RP1: variants seen among roughly 807,000 people sequenced by gnomAD.
RP1 encodes oxygen-regulated protein 1.
Under a neutral mutation model 14.8 loss-of-function variants are expected in RP1, and 16 were observed. The observed-to-expected ratio is 1.08, with a 90% CI of 0.73 to 1.65. The LOEUF (loss-of-function observed/expected upper bound fraction) is 1.65. RP1 is among the 40% of genes most tolerant of loss of function. RP1 has a pLI of 0.00. For missense variants in RP1, 2,631 were observed against 2,535.0 expected, an observed-to-expected ratio of 1.04 and a Z score of -0.81; for synonymous variants, 876 against 883.6, an observed-to-expected ratio of 0.99 and a Z score of 0.15.
At chr8:54,670,444 T>C (rs1349351159) in intron 7 of RP1, among the ~76,000 whole-genome samples, 1 of 148,792 alleles carries the variant, frequency 6.7e-6, no homozygotes, top group Non-Finnish European at 1.5e-5. Flanking sequence ...TATATATGGA[T>C]ACATACATAT....
At chr8:54,709,135 A>G (rs1173740413) in intron 15 of RP1, among the ~76,000 whole-genome samples, 1 of 152,166 alleles carries the variant, frequency 6.6e-6, no homozygotes, top group Non-Finnish European at 1.5e-5. Flanking sequence ...GAATAACAGG[A>G]TGGAGAAACT....
intron 19 of RP1, among the ~76,000 whole-genome samples, chr8:54,745,997 T>C (rs1251007272): frequency 6.6e-6 from 1 of 152,348 alleles, no homozygotes; most frequent in African/African-American, 2.4e-5. Flanking sequence ...AAGAAAATGA[T>C]TGTTTTCACA....
At chr8:54,772,595 A>G (rs1809935205), downstream of RP1, among the ~76,000 whole-genome samples, 1 of 152,206 alleles carries the variant, frequency 6.6e-6, no homozygotes, top group African/African-American at 2.4e-5. Context: ...TTCATCCTCC[A>G]GTAACCCTAT....
chr8:54,857,727 T>A (rs1227096684), intron 27 of RP1, among the ~76,000 whole-genome samples: 1 of 152,094 alleles, frequency 6.6e-6, no homozygotes, highest in East Asian at 1.9e-4. Context: ...TCCCTGTGTT[T>A]CCCTGGGTCC....
Position 54,711,065 on chromosome 8 carries a change from A to C in RP1, c.2211+4410A>C, listed in dbSNP as rs142504950. Among the ~76,000 whole-genome samples the C allele has an allele frequency of 3.0e-3, 455 of 152,328 alleles. 3 individuals carry two copies. The highest frequency in any genetic ancestry group is 9.8e-3 in the African/African-American group (407 of 41,576). ...CAATATTACAGTATTTAAAAAATGT[A>C]TCTGGCTCTACCAATGTGTATCAGT... is the stretch of plus-strand genomic sequence containing the variant. On this transcript the variant is annotated intron_variant, in intron 15 of 22. Transcript: ENST00000636932.
intron 17 of RP1, among the ~76,000 whole-genome samples, chr8:54,732,861 G>A (rs981931826): frequency 5.9e-5 from 9 of 152,132 alleles, no homozygotes; most frequent in African/African-American, 2.2e-4. Flanking sequence ...GATGTAAATG[G>A]CATGGGATTC....
rs188807581 is a variant in RP1, at chr8:54,691,905, T to C, written c.1718-7562T>C. The stretch of plus-strand genomic sequence containing the variant: ...TATGTATACATGTGCCATGTTCGTG[T>C]ACAGCACCCATTAACTCGTCATTTA... On this transcript the variant is annotated intron_variant, in intron 12 of 22. Coordinates refer to the RP1 transcript ENST00000636932. 4.5e-4 allele frequency among the ~76,000 whole-genome samples: 68 copies of C among 152,204 alleles called. No individual in the cohort carries two copies. In the East Asian group the frequency reaches 0.01, roughly 22 times the overall value.
intron 1 of RP1, among the ~76,000 whole-genome samples, chr8:54,607,548 A>T (rs1805482738): frequency 6.6e-6 from 1 of 152,176 alleles, no homozygotes; most frequent in Non-Finnish European, 1.5e-5. Flanking sequence ...GCATGCTGGG[A>T]GAACCACTAC....
chr8:54,639,245 C>T lies in RP1; in HGVS notation c.788-9740C>T, dbSNP rs1239647179. 2.6e-5 allele frequency among the ~76,000 whole-genome samples: 4 copies of T among 152,186 alleles called. No homozygotes were observed. In the East Asian group the frequency reaches 7.7e-4, roughly 29 times the overall value. Reference sequence around the variant, plus strand: ...ATGATTTTGAGATTCATTATTGTTGCCTGAATCAGTAGTTGTTTTTCATTG... The same window carrying T: ...ATGATTTTGAGATTCATTATTGTTGTCTGAATCAGTAGTTGTTTTTCATTG... On this transcript the variant is annotated intron_variant, in intron 3 of 22. Coordinates refer to the RP1 transcript ENST00000636932.
At chr8:54,812,361 G>A (rs1011476499) in intron 24 of RP1, among the ~76,000 whole-genome samples, 1 of 152,136 alleles carries the variant, frequency 6.6e-6, no homozygotes, top group African/African-American at 2.4e-5. Flanking sequence ...GGCTGGTCTC[G>A]AACTCCTGGC....
chr8:54,676,193 G>C (rs1807291854), intron 8 of RP1, among the ~76,000 whole-genome samples: 1 of 152,108 alleles, frequency 6.6e-6, no homozygotes, highest in Admixed American at 6.6e-5. Context: ...CCTAAATGTA[G>C]GCACAAAGCT....
At chr8:54,579,052 A>G (rs547315723) in intron 1 of RP1, among the ~76,000 whole-genome samples, 2 of 152,200 alleles carry the variant, frequency 1.3e-5, no homozygotes, top group Non-Finnish European at 2.9e-5. Context: ...TTCACTTGTA[A>G]GGTTGGATGC....
At chr8:54,612,145 G>A (rs995950425), upstream of RP1, among the ~76,000 whole-genome samples, 1 of 152,118 alleles carries the variant, frequency 6.6e-6, no homozygotes, top group African/African-American at 2.4e-5. Context: ...GAAGAAAAAC[G>A]TCCCAGGTAT....
At chr8:54,596,773 T>G (rs757170371) in intron 1 of RP1, among the ~76,000 whole-genome samples, 1 of 152,244 alleles carries the variant, frequency 6.6e-6, no homozygotes, top group Non-Finnish European at 1.5e-5. Context: ...TTACGATACA[T>G]TATTCATTTA....
intron 18 of RP1, among the ~76,000 whole-genome samples, chr8:54,735,737 A>G (rs918074256): frequency 6.6e-6 from 1 of 152,208 alleles, no homozygotes; most frequent in African/African-American, 2.4e-5. Flanking sequence ...ATACAAATAC[A>G]TATTTCAAAA....
chr8:54,594,977 G>A (rs1411409341), intron 1 of RP1, among the ~76,000 whole-genome samples: 1 of 152,020 alleles, frequency 6.6e-6, no homozygotes, highest in East Asian at 1.9e-4. Flanking sequence ...AAAATCTCAA[G>A]TCAGTTTAAA....
intron 1 of RP1, among the ~76,000 whole-genome samples, chr8:54,588,264 G>A (rs565666006): frequency 6.6e-6 from 1 of 152,314 alleles, no homozygotes; most frequent in Non-Finnish European, 1.5e-5. Context: ...TTACAGGATA[G>A]AATGTCAGGG....
At chr8:54,833,713 T>C (rs986744715) in intron 24 of RP1, among the ~76,000 whole-genome samples, 83 of 152,190 alleles carry the variant, frequency 5.5e-4, no homozygotes, top group African/African-American at 1.9e-3. Flanking sequence ...ATAAGCCATA[T>C]TGTTCATTCA....
At chr8:54,839,737 T>C (rs1811747108) in intron 25 of RP1, among the ~76,000 whole-genome samples, 1 of 152,206 alleles carries the variant, frequency 6.6e-6, no homozygotes, top group Admixed American at 6.5e-5. Context: ...TCTCAATCTC[T>C]GTTAGAATGG....
Sources: gnomAD v4.1 joint callset for allele counts (sites outside exome capture counted in the v4.1 genomes callset) on GRCh38, gnomAD v4.1.1 for gene constraint, MANE v1.5 for transcripts, NCBI Gene and HGNC (gene_info 2026-07-23, HGNC 2026-07-21) for gene names.